The following EPS8 variants were observed in gnomAD, a reference collection of about 807,000 sequenced individuals.
The protein encoded by EPS8 is epidermal growth factor receptor kinase substrate 8.
A neutral mutation model predicts 103.8 loss-of-function variants in EPS8; 42 were observed. The ratio of observed to expected loss-of-function variants is 0.40; its 90% CI spans 0.32 to 0.52. EPS8 has a LOEUF of 0.52. Ranked by LOEUF, EPS8 falls within the 20% of genes least tolerant of loss-of-function variation. The probability of loss-of-function intolerance (pLI) is 0.40; values close to 1 mark genes in which losing one functional copy is unlikely to be tolerated. For missense variants in EPS8, 969 were observed against 1,005.1 expected (o/e 0.96, Z 0.49); for synonymous variants, 344 against 344.6 (o/e 1.00, Z 0.02).
At chr12:15,687,957 T>A (rs890961559) in intron 1 of EPS8, among the ~76,000 whole-genome samples, 24 of 152,376 alleles carry the variant, frequency 1.6e-4, no homozygotes, top group African/African-American at 5.8e-4. Context: ...ATTGTCTTAA[T>A]CTTGACATTA....
rs1555112260 is a variant in EPS8 at position 15,663,976 on chromosome 12, T to TAC, written c.736+1778_736+1779dup. 2.1e-3 allele frequency among the ~76,000 whole-genome samples: 216 copies of TAC among 104,424 alleles called. 6 individuals carry two copies. The highest frequency in any genetic ancestry group is 6.9e-3 in the African/African-American group (194 of 28,212). The allele number at this position is 104,424 out of a possible 152,430, so 68.5% of individuals were successfully genotyped here. ...ATATATATATATATATATATATATA[T>TAC]ACACACACACATATATATATGGTTC... On this transcript the variant is annotated intron_variant, in intron 8 of 20. Coordinates refer to ENST00000281172, the MANE Select transcript of EPS8 (RefSeq NM_004447.6).
chr12:15,645,558 A>T (rs1210124399), intron 15 of EPS8, among the ~76,000 whole-genome samples: 1 of 152,202 alleles, frequency 6.6e-6, no homozygotes, highest in Non-Finnish European at 1.5e-5. Context: ...CTAAATCAAT[A>T]AATGAAAGGT....
Position 15,624,307 on chromosome 12 carries a change from G to A in EPS8, c.2145C>T (p.Asn715=), listed in dbSNP as rs139728490. ...CGTAAGTGATATTGATAACTGGCAC[G>A]TTCTGCCGTGGCACATGGAATTTCT... is the stretch of plus-strand genomic sequence containing the variant. ...AQKKFHVPRQ[N]VPVINITYDS... The change falls in exon 19 of 21, where the codon AAC becomes AAT. Residue 715 remains asparagine (N), a synonymous_variant. Coordinates refer to ENST00000281172, the MANE Select transcript of EPS8 (RefSeq NM_004447.6). 25 of 1,613,544 alleles carry A rather than the reference G, an allele frequency of 1.5e-5. No individual in the cohort carries two copies. Among genetic ancestry groups the A allele is most frequent in the East Asian group, 2.2e-5 (1 of 44,882 alleles).
rs554355620 is a variant in EPS8, at chr12:15,701,974, A to G, written c.-21-19002T>C. ...CTTTTAGATGTCAAGTCAGCTAATAAGTATTCACTCATATTTATAACTGGT... is the reference window on the plus strand; with the variant it reads ...CTTTTAGATGTCAAGTCAGCTAATAGGTATTCACTCATATTTATAACTGGT... On this transcript the variant is annotated intron_variant, in intron 1 of 20. Coordinates refer to ENST00000281172, the MANE Select transcript of EPS8 (RefSeq NM_004447.6). This position sits in a 1 kb window ranked among gnomAD's most constrained non-coding sequence, Gnocchi z 5.1. Among the ~76,000 whole-genome samples the G allele has an allele frequency of 6.6e-6, 1 of 152,250 alleles. No individual in the cohort carries two copies. Among genetic ancestry groups the G allele is most frequent in the Non-Finnish European group, 1.5e-5 (1 of 68,042 alleles).
Position 15,767,840 on chromosome 12 carries a change from T to C in EPS8, c.-22+21321A>G, listed in dbSNP as rs1947112689. 6.6e-6 allele frequency among the ~76,000 whole-genome samples: 1 copy of C among 152,200 alleles called. No homozygotes were observed. The highest frequency in any genetic ancestry group is 2.4e-5 in the African/African-American group (1 of 41,458). On this transcript the variant is annotated intron_variant, in intron 1 of 20. Transcript: ENST00000281172. This position sits in a 1 kb window ranked among gnomAD's most constrained non-coding sequence, Gnocchi z 5.5. ...AACAGGATTTTGCAAAGCAAAAACATTTCAAGTGGAAAAATATATTACAAA... is the reference window on the plus strand; with the variant it reads ...AACAGGATTTTGCAAAGCAAAAACACTTCAAGTGGAAAAATATATTACAAA...
At chr12:15,720,313 A>G (rs1002312038) in intron 1 of EPS8, among the ~76,000 whole-genome samples, 1 of 152,146 alleles carries the variant, frequency 6.6e-6, no homozygotes, top group Non-Finnish European at 1.5e-5. Context: ...ATGAGGTAAC[A>G]TAAATTGTAA....
chr12:15,766,350 G>A (rs1240132115), intron 1 of EPS8, among the ~76,000 whole-genome samples: 2 of 151,794 alleles, frequency 1.3e-5, no homozygotes, highest in African/African-American at 4.8e-5. Flanking sequence ...AAAAATAGCT[G>A]GGCCTGGTGG....
rs574692242 is a variant in EPS8 at position 15,771,666 on chromosome 12, G to A, written c.-22+17495C>T. Among the ~76,000 whole-genome samples the A allele has an allele frequency of 4.0e-5, 6 of 151,720 alleles. No individual in the cohort carries two copies. The highest frequency in any genetic ancestry group is 1.2e-4 in the African/African-American group (5 of 41,398). The stretch of plus-strand genomic sequence containing the variant: ...TCTTCTAATGGGCTAGAAATTCTCC[G>A]TAGGATTGCACTGCACTCCAGCCTG... On this transcript the variant is annotated intron_variant, in intron 1 of 20. Transcript: ENST00000281172. This position sits in a 1 kb window ranked among gnomAD's most constrained non-coding sequence, Gnocchi z 4.6.
intron 1 of EPS8, among the ~76,000 whole-genome samples, chr12:15,719,030 G>A (rs1180929627): frequency 6.6e-6 from 1 of 152,054 alleles, no homozygotes; most frequent in Non-Finnish European, 1.5e-5. Context: ...GGAAGGAAGC[G>A]AGGAAGGAAG....
chr12:15,663,181 G>A (rs1945637478), intron 8 of EPS8, among the ~76,000 whole-genome samples: 1 of 152,052 alleles, frequency 6.6e-6, no homozygotes, highest in Non-Finnish European at 1.5e-5. Flanking sequence ...ACTAAGTTGA[G>A]GTTGAAATAG....
intron 6 of EPS8, 135 bp from the exon 7 acceptor site, chr12:15,666,657 C>T: frequency 1.6e-6 from 1 of 621,956 alleles, no homozygotes; most frequent in Non-Finnish European, 2.8e-6. Context: ...TTATAAAAAT[C>T]TTGCAAAACA....
At chr12:15,643,466 G>A (rs1373860990) in intron 15 of EPS8, among the ~76,000 whole-genome samples, 3 of 152,086 alleles carry the variant, frequency 2.0e-5, no homozygotes, top group East Asian at 3.9e-4. Context: ...TTGGCCAGGC[G>A]TGGTGGTTCA....
rs978475729 is a variant in EPS8, at chr12:15,701,138, T to C, written c.-21-18166A>G. ...TAGTCACTTTTTTAAAAGGTAATTC[T>C]TTTCTCTCTCTGAATCAACTGTGTC... On this transcript the variant is annotated intron_variant, in intron 1 of 20. Transcript: ENST00000281172. The surrounding 1 kb of genome is among the most constrained non-coding windows in gnomAD (Gnocchi z 5.1). 1.3e-5 allele frequency among the ~76,000 whole-genome samples: 2 copies of C among 152,224 alleles called. No individual in the cohort carries two copies. Among genetic ancestry groups the C allele is most frequent in the African/African-American group, 4.8e-5 (2 of 41,458 alleles).
rs1460479971 is a variant in EPS8, at chr12:15,620,316, A to G, written c.*1001T>C. ...AACATCTGTTTTATATATGTGAAAT[A>G]ATATAACATTTAATGACAAAAATTG... On this transcript the variant is annotated 3_prime_UTR_variant, in exon 21 of 21. Coordinates refer to ENST00000281172, the MANE Select transcript of EPS8 (RefSeq NM_004447.6). 6.5e-6 allele frequency: 1 copy of G among 152,688 alleles called. No individual in the cohort carries two copies. The highest frequency in any genetic ancestry group is 1.5e-5 in the Non-Finnish European group (1 of 68,042). 9.5% of individuals were successfully genotyped at this position (152,688 alleles called of 1,614,324 possible).
rs1387027340 is a variant in EPS8, at chr12:15,721,047, A to G, written c.-21-38075T>C. Among the ~76,000 whole-genome samples, 4 of 152,200 alleles carry G rather than the reference A, an allele frequency of 2.6e-5. No individual in the cohort carries two copies. Among genetic ancestry groups the G allele is most frequent in the Non-Finnish European group, 4.4e-5 (3 of 68,038 alleles). ...TTTTTGCCCTGTCTGTCCCATTAGA[A>G]TACATACTTCTTGAGGGCAAGGGCC... On this transcript the variant is annotated intron_variant, in intron 1 of 20. Coordinates refer to ENST00000281172, the MANE Select transcript of EPS8 (RefSeq NM_004447.6). The surrounding 1 kb of genome is among the most constrained non-coding windows in gnomAD (Gnocchi z 4.4).
rs1278547180 is a variant in EPS8, at chr12:15,700,712, CTATT to C, written c.-21-17744_-21-17741del. On this transcript the variant is annotated intron_variant, in intron 1 of 20. Coordinates refer to ENST00000281172, the MANE Select transcript of EPS8 (RefSeq NM_004447.6). This position sits in a 1 kb window ranked among gnomAD's most constrained non-coding sequence, Gnocchi z 5.1. ...AGCAGAACTTTTGGTAAAAGCATGCCTATTTATATCAAGGAGGTTCAAAACTGAC... is the reference window on the plus strand; with the variant it reads ...AGCAGAACTTTTGGTAAAAGCATGCCTATATCAAGGAGGTTCAAAACTGAC... Among the ~76,000 whole-genome samples, 1 of 152,064 alleles carries C rather than the reference CTATT, an allele frequency of 6.6e-6. No individual in the cohort carries two copies. The highest frequency in any genetic ancestry group is 1.5e-5 in the Non-Finnish European group (1 of 68,006).
At chr12:15,718,806 C>T (rs758410044) in intron 1 of EPS8, among the ~76,000 whole-genome samples, 3 of 120,136 alleles carry the variant, frequency 2.5e-5, no homozygotes, top group Non-Finnish European at 3.7e-5. Context: ...AAACTCTAAA[C>T]AAAACGACAG....
At chr12:15,637,658 T>A in intron 17 of EPS8, among the ~76,000 whole-genome samples, 1 of 152,260 alleles carries the variant, frequency 6.6e-6, no homozygotes, top group South Asian at 2.1e-4. Context: ...TTGCTTCCTT[T>A]TGGCAGCATG....
chr12:15,731,862 T>C lies in EPS8; in HGVS notation c.-21-48890A>G, dbSNP rs1184005775. On this transcript the variant is annotated intron_variant, in intron 1 of 20. Coordinates refer to ENST00000281172, the MANE Select transcript of EPS8 (RefSeq NM_004447.6). The surrounding 1 kb of genome is among the most constrained non-coding windows in gnomAD (Gnocchi z 5.1). ...AGAAGATAAAGTGTGTGTGTGCATGTGTGTGTGTAGGCAAAAGGAAGCTGG... is the reference window on the plus strand; with the variant it reads ...AGAAGATAAAGTGTGTGTGTGCATGCGTGTGTGTAGGCAAAAGGAAGCTGG... Among the ~76,000 whole-genome samples the C allele has an allele frequency of 6.6e-6, 1 of 152,140 alleles. No individual in the cohort carries two copies. The highest frequency in any genetic ancestry group is 1.5e-5 in the Non-Finnish European group (1 of 68,014).
Sources: allele counts gnomAD v4.1 joint callset (sites outside exome capture counted in the v4.1 genomes callset), GRCh38; gene constraint gnomAD v4.1.1; non-coding constraint Gnocchi (gnomAD v3.1); transcripts MANE v1.5; gene names NCBI Gene and HGNC (gene_info 2026-07-23, HGNC 2026-07-21).